Variants in CRPPA observed in about 807,000 individuals in gnomAD.
CRPPA encodes the protein D-ribitol-5-phosphate cytidylyltransferase.
Under a neutral mutation model 52.0 loss-of-function variants are expected in CRPPA, and 43 were observed. That is an observed-to-expected ratio of 0.83 (90% CI 0.65 to 1.07). CRPPA has a LOEUF of 1.07. CRPPA is among the 50% of genes least tolerant of loss of function. CRPPA has a pLI of 0.00. For synonymous variants in CRPPA, 250 were observed against 203.5 expected (o/e 1.23, Z -1.94); for missense variants, 629 against 551.7 (o/e 1.14, Z -1.40).
chr7:16,419,636 C>G (rs2128321007), intron 1 of CRPPA, among the ~76,000 whole-genome samples: 1 of 152,166 alleles, frequency 6.6e-6, no homozygotes, highest in East Asian at 1.9e-4. Flanking sequence ...TTTATAGACC[C>G]TTCACTCCAT....
intron 6 of CRPPA, chr7:16,268,920 C>G (rs551715875): frequency 6.6e-6 from 1 of 152,352 alleles, no homozygotes; most frequent in African/African-American, 2.4e-5. Flanking sequence ...TCTGCAACAT[C>G]TGCTACCAGC....
chr7:16,291,224 A>T (rs1244665892), intron 5 of CRPPA, among the ~76,000 whole-genome samples: 1 of 151,994 alleles, frequency 6.6e-6, no homozygotes, highest in Non-Finnish European at 1.5e-5. Context: ...CAGTATGGAG[A>T]TTTCTCAAAA....
At chr7:16,351,922 C>A (rs6973478) in intron 3 of CRPPA, among the ~76,000 whole-genome samples, 2,136 of 152,252 alleles carry the variant, frequency 0.014, 58 homozygotes, top group African/African-American at 0.049. Flanking sequence ...GATATACACT[C>A]AAAGGATTAC....
intron 9 of CRPPA, among the ~76,000 whole-genome samples, chr7:16,211,388 C>A (rs1782133119): frequency 6.6e-6 from 1 of 152,104 alleles, no homozygotes; most frequent in Non-Finnish European, 1.5e-5. Flanking sequence ...TCAAAAAAGC[C>A]TGATTACTTT....
intron 8 of CRPPA, among the ~76,000 whole-genome samples, chr7:16,230,006 G>C (rs910616596): frequency 1.3e-5 from 2 of 151,508 alleles, no homozygotes; most frequent in African/African-American, 4.9e-5. Flanking sequence ...AAAGTCTGCT[G>C]CTAGCTATAT....
At chr7:16,364,998 A>G (rs775881500) in intron 3 of CRPPA, among the ~76,000 whole-genome samples, 9 of 152,256 alleles carry the variant, frequency 5.9e-5, no homozygotes, top group Non-Finnish European at 1.2e-4. Context: ...TATCAAGTGT[A>G]TCAGTCACAT....
intron 9 of CRPPA, among the ~76,000 whole-genome samples, chr7:16,202,057 A>C (rs1296282404): frequency 6.6e-6 from 1 of 152,174 alleles, no homozygotes; most frequent in African/African-American, 2.4e-5. Context: ...GTTTATCATG[A>C]TTGGTGCTGA....
chr7:16,182,333 G>A (rs1370986886), intron 9 of CRPPA, among the ~76,000 whole-genome samples: 3 of 151,922 alleles, frequency 2.0e-5, no homozygotes, highest in South Asian at 2.1e-4. Flanking sequence ...TTTGGGGAGG[G>A]CTGGGGATGT....
intron 3 of CRPPA, among the ~76,000 whole-genome samples, chr7:16,358,218 C>G (rs115939849): frequency 0.02 from 3,109 of 151,978 alleles, 124 homozygotes; most frequent in African/African-American, 0.072. Context: ...AGCTGTGGAG[C>G]CAGCAGGGAT....
At chr7:16,199,365 T>C (rs1324771273) in intron 9 of CRPPA, among the ~76,000 whole-genome samples, 1 of 152,192 alleles carries the variant, frequency 6.6e-6, no homozygotes, top group East Asian at 1.9e-4. Context: ...TTATCTTTAA[T>C]AGTAGTTAAT....
intron 9 of CRPPA, among the ~76,000 whole-genome samples, chr7:16,173,481 A>G (rs1029634346): frequency 4.6e-5 from 7 of 152,200 alleles, no homozygotes; most frequent in African/African-American, 1.4e-4. Flanking sequence ...CATATGGAAC[A>G]TGTTGAAGGA....
At chr7:16,303,710 C>A (rs372933028) in intron 4 of CRPPA, among the ~76,000 whole-genome samples, 31 of 152,094 alleles carry the variant, frequency 2.0e-4, no homozygotes, top group African/African-American at 7.5e-4. Flanking sequence ...ATATAAAATG[C>A]TGGATAACTA....
At chr7:16,409,692 A>T (rs950276051) in intron 1 of CRPPA, among the ~76,000 whole-genome samples, 1 of 152,234 alleles carries the variant, frequency 6.6e-6, no homozygotes, top group Admixed American at 6.5e-5. Flanking sequence ...AATCTTTACA[A>T]TACTTCTACA....
rs531124850 is a variant in CRPPA at position 16,164,710 on chromosome 7, G to T, written c.1251+51356C>A. 9.2e-5 allele frequency among the ~76,000 whole-genome samples: 14 copies of T among 152,246 alleles called. No homozygotes were observed. The East Asian group carries it at 2.7e-3, about 29-fold the overall frequency. On this transcript the variant is annotated intron_variant, in intron 9 of 9. Coordinates refer to ENST00000407010, the MANE Select transcript of CRPPA (RefSeq NM_001101426.4). ...GGGTTTTTGTGTGGTCATCCTTTCT[G>T]TTGATGTTGATGCTATTGTTTTCTG...
chr7:16,194,019 C>G (rs1038536790), intron 9 of CRPPA, among the ~76,000 whole-genome samples: 1 of 152,032 alleles, frequency 6.6e-6, no homozygotes, highest in African/African-American at 2.4e-5. Context: ...GAAAGTTTAC[C>G]AGGACCAGAC....
intron 9 of CRPPA, among the ~76,000 whole-genome samples, chr7:16,171,210 T>C (rs553457977): frequency 1.3e-5 from 2 of 152,354 alleles, no homozygotes; most frequent in South Asian, 2.1e-4. Context: ...AGCACCTGTA[T>C]AGCAAACATT....
intron 9 of CRPPA, among the ~76,000 whole-genome samples, chr7:16,151,523 C>G (rs1783075393): frequency 6.6e-6 from 1 of 151,874 alleles, no homozygotes; most frequent in African/African-American, 2.4e-5. Flanking sequence ...TTATTATGCC[C>G]ATCTCAATGA....
At chr7:16,179,310 G>A (rs1008553343) in intron 9 of CRPPA, among the ~76,000 whole-genome samples, 1 of 152,028 alleles carries the variant, frequency 6.6e-6, no homozygotes, top group Non-Finnish European at 1.5e-5. Context: ...ACAAAATAAA[G>A]CCTCTCTAAA....
chr7:16,302,468 C>T (rs1464278351), intron 4 of CRPPA, among the ~76,000 whole-genome samples: 2 of 152,108 alleles, frequency 1.3e-5, no homozygotes, highest in Non-Finnish European at 2.9e-5. Context: ...AGAATTAATT[C>T]TATATCACAG....
Sources: allele counts gnomAD v4.1 joint callset (sites outside exome capture counted in the v4.1 genomes callset), GRCh38; gene constraint gnomAD v4.1.1; transcripts MANE v1.5; gene names NCBI Gene and HGNC (gene_info 2026-07-23, HGNC 2026-07-21).